OR51E2: variants seen among roughly 807,000 people sequenced by gnomAD.
The protein encoded by OR51E2 is olfactory receptor 51E2.
A neutral mutation model predicts 13.7 loss-of-function variants in OR51E2; 14 were observed. That is an observed-to-expected ratio of 1.02 (90% CI 0.68 to 1.60). The LOEUF (loss-of-function observed/expected upper bound fraction) is 1.60, where lower values mean the gene tolerates loss of function less well. Among genes scored for constraint, OR51E2 ranks in the 40% most tolerant of loss-of-function variants. OR51E2 has a pLI of 0.00. For synonymous variants in OR51E2, 180 were observed against 157.6 expected, an observed-to-expected ratio of 1.14 and a Z score of -1.07; for missense variants, 483 against 413.8, an observed-to-expected ratio of 1.17 and a Z score of -1.45.
intron 1 of OR51E2, among the ~76,000 whole-genome samples, chr11:4,695,232 C>T (rs1360995787): frequency 6.6e-6 from 1 of 152,144 alleles, no homozygotes; most frequent in Non-Finnish European, 1.5e-5. Context: ...AGGAGCTTTG[C>T]TTTTAATAAA....
At chr11:4,690,152 C>T (rs1847559876) in intron 1 of OR51E2, among the ~76,000 whole-genome samples, 1 of 151,164 alleles carries the variant, frequency 6.6e-6, no homozygotes, top group Non-Finnish European at 1.5e-5. Context: ...AGTCAGTCTG[C>T]ATGGATGTGC....
chr11:4,685,373 ACAGT>A (rs1847503696), intron 1 of OR51E2, among the ~76,000 whole-genome samples: 2 of 152,278 alleles, frequency 1.3e-5, no homozygotes, highest in East Asian at 3.9e-4. Context: ...CCAAGCACAC[ACAGT>A]CAGCCACAGG....
At chr11:4,687,977 T>C (rs1403623973) in intron 1 of OR51E2, among the ~76,000 whole-genome samples, 1 of 152,054 alleles carries the variant, frequency 6.6e-6, no homozygotes, top group Non-Finnish European at 1.5e-5. Flanking sequence ...TCTGGGGCAT[T>C]GTACAGAGGG....
chr11:4,696,748 C>T (rs77557397), intron 1 of OR51E2, among the ~76,000 whole-genome samples: 3,106 of 152,194 alleles, frequency 0.02, 94 homozygotes, highest in African/African-American at 0.066. Flanking sequence ...AATTTTTCTG[C>T]CCACTCGGAT....
intron 1 of OR51E2, among the ~76,000 whole-genome samples, chr11:4,697,211 T>C (rs1307046223): frequency 6.6e-6 from 1 of 152,196 alleles, no homozygotes; most frequent in Non-Finnish European, 1.5e-5. Flanking sequence ...AAGCTCGTGC[T>C]CTCAAAAACA....
rs761847966 is a variant in OR51E2, at chr11:4,681,821, C to T, written c.891G>A (p.Gln297=). The T allele has an allele frequency of 4.2e-5, 67 of 1,614,184 alleles. No homozygotes were observed. The highest frequency in any genetic ancestry group is 5.3e-5 in the Non-Finnish European group (63 of 1,180,032). Residue 297 remains glutamine (Q), a synonymous_variant, in exon 2 of 2, where the codon CAG becomes CAA. Coordinates refer to ENST00000396950, the MANE Select transcript of OR51E2 (RefSeq NM_030774.4). The part of the protein sequence containing the change: ...NPIIYGAKTK[Q]IRTRVLAMFK... The stretch of plus-strand genomic sequence containing the variant: ...ACATAGCCAGCACCCGTGTTCTGAT[C>T]TGTTTGGTTTTGGCACCATAGATGA...
chr11:4,697,630 T>C (rs10500615), intron 1 of OR51E2, 23 bp downstream of exon 1: 121,068 of 152,622 alleles, frequency 0.79, 48,348 homozygotes, highest in South Asian at 0.91. Flanking sequence ...AGCATTTTCA[T>C]TGAACAAAAC....
intron 1 of OR51E2, among the ~76,000 whole-genome samples, chr11:4,687,780 G>A (rs1847532602): frequency 6.6e-6 from 1 of 152,148 alleles, no homozygotes; most frequent in African/African-American, 2.4e-5. Flanking sequence ...AGAAGAACAA[G>A]GTGCTGTAGG....
chr11:4,688,686 C>T (rs986863989), intron 1 of OR51E2, among the ~76,000 whole-genome samples: 10 of 152,138 alleles, frequency 6.6e-5, no homozygotes, highest in African/African-American at 2.2e-4. Context: ...CACCAGAAAG[C>T]TGTTATAATA....
At position 4,680,386 on chromosome 11, in the gene OR51E2, C is replaced by T. The variant is rs952202147; in HGVS notation, c.*1363G>A. On this transcript the variant is annotated 3_prime_UTR_variant, in exon 2 of 2. Coordinates refer to ENST00000396950, the MANE Select transcript of OR51E2 (RefSeq NM_030774.4). Reference sequence around the variant, plus strand: ...GCAGCTGTAAAACAGGATTATTCTGCATGTGTTGCCCACAACTAGGGCAAG... The same window carrying T: ...GCAGCTGTAAAACAGGATTATTCTGTATGTGTTGCCCACAACTAGGGCAAG... 1.3e-5 allele frequency: 2 copies of T among 152,564 alleles called. No homozygotes were observed. The highest frequency in any genetic ancestry group is 2.9e-5 in the Non-Finnish European group (2 of 68,042). 9.5% of individuals were successfully genotyped at this position (152,564 alleles called of 1,614,324 possible). A position where few individuals can be genotyped will look rare whatever the true frequency, so the allele number is the denominator to read the frequency against.
In OR51E2 at chr11:4,682,305, T is replaced by G. The variant is rs2133244326; in HGVS notation, c.407A>C (p.Asn136Thr). The G allele has an allele frequency of 6.2e-7, 1 of 1,614,114 alleles. No homozygotes were observed. The highest frequency in any genetic ancestry group is 1.1e-5 in the South Asian group (1 of 91,084). The change falls in exon 2 of 2, where the codon AAC becomes ACC. Residue 136 changes from asparagine to threonine, a missense_variant. Transcript: ENST00000396950. ...CHPLRHAAVLNNTVTAQIGIV... is the reference protein window; with the variant it reads ...CHPLRHAAVLTNTVTAQIGIV... ...GCCAATCTGGGCTGTTACTGTATTGTTGAGCACTGCAGCATGGCGCAGTGG... is the reference window on the plus strand; with the variant it reads ...GCCAATCTGGGCTGTTACTGTATTGGTGAGCACTGCAGCATGGCGCAGTGG...
At chr11:4,690,600 T>C in intron 1 of OR51E2, 1 of 264,538 alleles carries the variant, frequency 3.8e-6, no homozygotes, top group African/African-American at 2.3e-5. Context: ...GTAGTCAAAC[T>C]AGCTGATGTT....
chr11:4,694,803 G>A (rs1847636631), intron 1 of OR51E2, among the ~76,000 whole-genome samples: 1 of 152,088 alleles, frequency 6.6e-6, no homozygotes, highest in African/African-American at 2.4e-5. Context: ...AGTGTGGAGT[G>A]GCAGATTTGG....
At chr11:4,684,852 G>A (rs887429062) in intron 1 of OR51E2, among the ~76,000 whole-genome samples, 3 of 152,076 alleles carry the variant, frequency 2.0e-5, no homozygotes, top group Non-Finnish European at 4.4e-5. Flanking sequence ...TTCTCTTTGG[G>A]TCCGAATGTG....
intron 1 of OR51E2, among the ~76,000 whole-genome samples, chr11:4,683,404 T>A (rs568365752): frequency 3.3e-5 from 5 of 152,266 alleles, no homozygotes; most frequent in South Asian, 2.1e-4. Context: ...CACTTTTTTT[T>A]AAAGCTTAAA....
At chr11:4,682,838 AC>A (rs1252650968) in intron 1 of OR51E2, 77 bp from the exon 2 acceptor site, 2 of 1,015,144 alleles carry the variant, frequency 2.0e-6, no homozygotes, top group Non-Finnish European at 2.8e-6. Flanking sequence ...GTCTTCTCCC[AC>A]CCCCACTTAG....
Position 4,687,133 on chromosome 11 carries a change from A to G in OR51E2, c.-50-4372T>C, listed in dbSNP as rs1375906457. Among the ~76,000 whole-genome samples, 6 of 152,260 alleles carry G rather than the reference A, an allele frequency of 3.9e-5. No individual in the cohort carries two copies. In the East Asian group the frequency reaches 1.2e-3, roughly 29 times the overall value. On this transcript the variant is annotated intron_variant, in intron 1 of 1. Coordinates refer to ENST00000396950, the MANE Select transcript of OR51E2 (RefSeq NM_030774.4). ...CAAAAAATCTAGTCTGTAGGCCTGT[A>G]TCATCTGAGCTTTTCCATCTTTCCA...
At position 4,681,556 on chromosome 11, in the gene OR51E2, T is replaced by C. The variant is rs928195482; in HGVS notation, c.*193A>G. The C allele has an allele frequency of 8.2e-6, 5 of 606,726 alleles. No homozygotes were observed. The highest frequency in any genetic ancestry group is 1.1e-5 in the Non-Finnish European group (4 of 350,684). The allele number at this position is 606,726 out of a possible 1,614,324, so 37.6% of individuals were successfully genotyped here. ...GCATGTTTGGTTTTATTGTAGTCTT[T>C]AAATCATGTAATACTTCATTAGTAT... On this transcript the variant is annotated 3_prime_UTR_variant, in exon 2 of 2. Transcript: ENST00000396950.
chr11:4,689,804 C>T (rs912855192), intron 1 of OR51E2, among the ~76,000 whole-genome samples: 3 of 151,868 alleles, frequency 2.0e-5, no homozygotes, highest in African/African-American at 4.8e-5. Context: ...CAGGAAAGAT[C>T]ATCAGGTAGA....
Sources: allele counts gnomAD v4.1 joint callset (sites outside exome capture counted in the v4.1 genomes callset), GRCh38; gene constraint gnomAD v4.1.1; transcripts MANE v1.5; gene names NCBI Gene and HGNC (gene_info 2026-07-23, HGNC 2026-07-21).